Variants in PCDHGA7 observed in about 807,000 individuals in gnomAD.
PCDHGA7 encodes the protein protocadherin gamma-A7.
PCDHGA7 carries 44 observed loss-of-function variants against 58.3 expected under a neutral mutation model. That is an observed-to-expected ratio of 0.75 (90% CI 0.59 to 0.97). The LOEUF (loss-of-function observed/expected upper bound fraction) is 0.97. PCDHGA7 is among the 50% of genes least tolerant of loss of function. The pLI, the probability that PCDHGA7 is intolerant of heterozygous loss-of-function variation, is 0.00. For synonymous variants in PCDHGA7, 516 were observed against 504.2 expected (o/e 1.02, Z -0.31); for missense variants, 1,266 against 1,188.7 (o/e 1.06, Z -0.96).
intron 1 of PCDHGA7, chr5:141,405,537 A>G (rs2094682119): frequency 3.1e-6 from 2 of 643,630 alleles, no homozygotes; most frequent in Middle Eastern, 4.2e-4. Context: ...CTCCTGCCTC[A>G]GCCTCCCAAG....
chr5:141,393,962 C>G (rs2150548263), intron 1 of PCDHGA7: 1 of 1,613,894 alleles, frequency 6.2e-7, no homozygotes, highest in Non-Finnish European at 8.5e-7. Flanking sequence ...GTCAAGTTGT[C>G]TGTTACACAC....
intron 1 of PCDHGA7, among the ~76,000 whole-genome samples, chr5:141,463,087 C>T (rs971667191): frequency 6.6e-6 from 1 of 152,120 alleles, no homozygotes; most frequent in Non-Finnish European, 1.5e-5. Context: ...CATTTTCCAG[C>T]CCTATGTGAC....
chr5:141,482,069 G>A (rs892777397), intron 1 of PCDHGA7, among the ~76,000 whole-genome samples: 1 of 138,078 alleles, frequency 7.2e-6, no homozygotes, highest in Non-Finnish European at 1.5e-5. Context: ...TGGGCAACAA[G>A]AACAAAACTC....
At chr5:141,509,327 G>A (rs2099876237) in intron 3 of PCDHGA7, among the ~76,000 whole-genome samples, 1 of 152,188 alleles carries the variant, frequency 6.6e-6, no homozygotes, top group African/African-American at 2.4e-5. Flanking sequence ...AAGCTCTACT[G>A]CCAGCTGGGC....
intron 1 of PCDHGA7, among the ~76,000 whole-genome samples, chr5:141,492,854 G>A (rs1361942466): frequency 6.6e-6 from 1 of 152,212 alleles, no homozygotes; most frequent in Non-Finnish European, 1.5e-5. Flanking sequence ...AAAGCCTCGA[G>A]CGCCCTGGCT....
intron 1 of PCDHGA7, chr5:141,419,810 C>G (rs368168278): frequency 1.7e-5 from 27 of 1,613,946 alleles, no homozygotes; most frequent in Non-Finnish European, 2.1e-5. Context: ...AGATGGAGGA[C>G]AGCCACCCCT....
rs1431906047 is a variant in PCDHGA7, at chr5:141,485,858, C to T, written c.2425-8949C>T. On this transcript the variant is annotated intron_variant, in intron 1 of 3. Transcript: ENST00000518325. This position sits in a 1 kb window ranked among gnomAD's most constrained non-coding sequence, Gnocchi z 5.7. ...GCCGAGATCTGGCACCGCAGAGCTC[C>T]GGGTATCCGTGCTGGACGTAAACGA... The T allele has an allele frequency of 1.9e-6, 3 of 1,614,162 alleles. No individual in the cohort carries two copies. The highest frequency in any genetic ancestry group is 2.5e-6 in the Non-Finnish European group (3 of 1,180,028).
intron 1 of PCDHGA7, chr5:141,395,163 G>T: frequency 6.2e-7 from 1 of 1,614,160 alleles, no homozygotes; most frequent in Non-Finnish European, 8.5e-7. Context: ...CAGTCAGGAG[G>T]GCTGTGAGAA....
chr5:141,454,796 A>ATTTTTTTTTTTTTTTTTTTTTTTTTTTT (rs61612330), intron 1 of PCDHGA7, among the ~76,000 whole-genome samples: 3 of 77,456 alleles, frequency 3.9e-5, no homozygotes, highest in Admixed American at 1.8e-4. Flanking sequence ...CATGGTTCTA[A>ATTTTTTTTTTTTTTTTTTTTTTTTTTTT]TTTTTTTTTT....
rs776211508 is a variant in PCDHGA7, at chr5:141,491,001, C to T, written c.2425-3806C>T. On this transcript the variant is annotated intron_variant, in intron 1 of 3. Transcript: ENST00000518325. The surrounding 1 kb of genome is among the most constrained non-coding windows in gnomAD (Gnocchi z 6.9). The stretch of plus-strand genomic sequence containing the variant: ...TCCCTCGCTCTGCTCCTCCTGGCTC[C>T]TTGGTCACCAAGGTGACAGCCGTGG... The T allele has an allele frequency of 6.2e-7, 1 of 1,614,140 alleles. No individual in the cohort carries two copies. Among genetic ancestry groups the T allele is most frequent in the Non-Finnish European group, 8.5e-7 (1 of 1,180,044 alleles).
At chr5:141,506,829 T>C (rs1449718553) in intron 3 of PCDHGA7, among the ~76,000 whole-genome samples, 1 of 152,182 alleles carries the variant, frequency 6.6e-6, no homozygotes, top group African/African-American at 2.4e-5. Context: ...CATGAACTGA[T>C]AGCCCTGCCC....
chr5:141,396,477 A>C (rs920260792), intron 1 of PCDHGA7: 1 of 152,040 alleles, frequency 6.6e-6, no homozygotes, highest in Non-Finnish European at 1.5e-5. Context: ...AAAATTAGCC[A>C]GGCATGGTGG....
chr5:141,410,023 C>T (rs1172248089), intron 1 of PCDHGA7: 1 of 1,613,310 alleles, frequency 6.2e-7, no homozygotes, highest in South Asian at 1.1e-5. Flanking sequence ...TGTCCTACCA[C>T]GTGCTGCAGG....
intron 1 of PCDHGA7, chr5:141,415,677 C>T (rs375781400): frequency 4.7e-6 from 7 of 1,499,248 alleles, no homozygotes; most frequent in Middle Eastern, 1.8e-4. Flanking sequence ...TTGAAGTTTG[C>T]GGCATGATGG....
chr5:141,511,537 A>G lies in PCDHGA7; in HGVS notation c.*364A>G. 2 of 319,256 alleles carry G rather than the reference A, an allele frequency of 6.3e-6. No individual in the cohort carries two copies. Among genetic ancestry groups the G allele is most frequent in the South Asian group, 3.3e-5 (1 of 29,854 alleles). 19.8% of individuals were successfully genotyped at this position (319,256 alleles called of 1,614,324 possible). A position where few individuals can be genotyped will look rare whatever the true frequency, so the allele number is the denominator to read the frequency against. On this transcript the variant is annotated 3_prime_UTR_variant, in exon 4 of 4. Coordinates refer to ENST00000518325, the MANE Select transcript of PCDHGA7 (RefSeq NM_018920.4). ...TCCATCCCATGCCTCCCTCCTCCCC[A>G]CCCCACTCCAACAGTTCCTCTTTCC... is the stretch of plus-strand genomic sequence containing the variant.
At chr5:141,423,328 G>C (rs1308803675) in intron 1 of PCDHGA7, 1 of 1,614,194 alleles carries the variant, frequency 6.2e-7, no homozygotes, top group African/African-American at 1.3e-5. Flanking sequence ...GGTGGCCGCA[G>C]TCTCCTGCAT....
chr5:141,421,227 C>T (rs1387397967), intron 1 of PCDHGA7: 1 of 1,587,020 alleles, frequency 6.3e-7, no homozygotes, highest in Non-Finnish European at 8.6e-7. Context: ...TAGAGCCTGC[C>T]ATGGCGAATC....
Position 141,382,864 on chromosome 5 carries a change from C to G in PCDHGA7, c.-36C>G, listed in dbSNP as rs775003646. On this transcript the variant is annotated 5_prime_UTR_variant, in exon 1 of 4. Coordinates refer to ENST00000518325, the MANE Select transcript of PCDHGA7 (RefSeq NM_018920.4). ...TACACCCGCATTCTGAAGCACTTCC[C>G]GAGATCGGCGCCTAAGCAAGAGAAG... The G allele has an allele frequency of 1.3e-6, 2 of 1,516,562 alleles. No individual in the cohort carries two copies. The highest frequency in any genetic ancestry group is 8.8e-7 in the Non-Finnish European group (1 of 1,133,008). The allele number at this position is 1,516,562 out of a possible 1,614,324, so 93.9% of individuals were successfully genotyped here.
chr5:141,411,237 T>C (rs1472710660), intron 1 of PCDHGA7: 1 of 152,116 alleles, frequency 6.6e-6, no homozygotes, highest in Non-Finnish European at 1.5e-5. Flanking sequence ...GAAGACTTAG[T>C]GAATTTACGA....
Sources: allele counts gnomAD v4.1 joint callset (sites outside exome capture counted in the v4.1 genomes callset), GRCh38; gene constraint gnomAD v4.1.1; non-coding constraint Gnocchi (gnomAD v3.1); transcripts MANE v1.5; gene names NCBI Gene and HGNC (gene_info 2026-07-23, HGNC 2026-07-21).